SH3TC2: variants seen among roughly 807,000 people sequenced by gnomAD.
The protein encoded by SH3TC2 is SH3 domain and tetratricopeptide repeat-containing protein 2.
In SH3TC2, 87 loss-of-function variants were observed where a neutral mutation model predicts 124.5. The observed-to-expected ratio is 0.70, with a 90% CI of 0.59 to 0.84. The LOEUF is 0.84. SH3TC2 is among the 40% of genes least tolerant of loss of function. The pLI is 0.00. For missense variants in SH3TC2, 1,536 were observed against 1,566.4 expected (o/e 0.98, Z 0.33); for synonymous variants, 634 against 628.5 (o/e 1.01, Z -0.13).
chr5:149,039,725 G>C (rs1344831383), intron 7 of SH3TC2, among the ~76,000 whole-genome samples: 1 of 152,124 alleles, frequency 6.6e-6, no homozygotes, highest in Non-Finnish European at 1.5e-5. Flanking sequence ...AGGTGGATTG[G>C]CCAAGATCAC....
chr5:148,998,025 C>T lies in SH3TC2; in HGVS notation c.*6686G>A, dbSNP rs1244673914. On this transcript the variant is annotated 3_prime_UTR_variant, in exon 17 of 17. Coordinates refer to ENST00000515425, the MANE Select transcript of SH3TC2 (RefSeq NM_024577.4). Reference sequence around the variant, plus strand: ...GAGCCCTCCTGCACTTTTTTAGAGACCACCCTCCAGGTCAGCACTTTTCAA... The same window carrying T: ...GAGCCCTCCTGCACTTTTTTAGAGATCACCCTCCAGGTCAGCACTTTTCAA... 6.6e-6 allele frequency among the ~76,000 whole-genome samples: 1 copy of T among 152,154 alleles called. No homozygotes were observed. Among genetic ancestry groups the T allele is most frequent in the African/African-American group, 2.4e-5 (1 of 41,434 alleles).
At chr5:149,013,573 A>G (rs539891044) in intron 12 of SH3TC2, among the ~76,000 whole-genome samples, 103 of 152,230 alleles carry the variant, frequency 6.8e-4, no homozygotes, top group Non-Finnish European at 1.2e-3. Context: ...TAAATCATCG[A>G]AAAGATTTTG....
chr5:149,056,773 C>T (rs1304850799), intron 1 of SH3TC2, among the ~76,000 whole-genome samples: 1 of 152,164 alleles, frequency 6.6e-6, no homozygotes, highest in Non-Finnish European at 1.5e-5. Flanking sequence ...CATGGATTGA[C>T]CGTTTACAGC....
chr5:149,031,975 A>G (rs1754202265), intron 8 of SH3TC2, among the ~76,000 whole-genome samples: 1 of 152,122 alleles, frequency 6.6e-6, no homozygotes. Context: ...CAAGAAAAAC[A>G]AAGCCCCTTC....
chr5:149,025,284 A>G (rs1754044427), intron 12 of SH3TC2, among the ~76,000 whole-genome samples: 1 of 152,314 alleles, frequency 6.6e-6, no homozygotes, highest in East Asian at 1.9e-4. Context: ...CTTACAAGAC[A>G]GGGAAAGAAT....
Position 148,990,548 on chromosome 5 carries a change from G to A in SH3TC2, c.*14163C>T, listed in dbSNP as rs1194245450. Among the ~76,000 whole-genome samples, 1 of 152,172 alleles carries A rather than the reference G, an allele frequency of 6.6e-6. No homozygotes were observed. Among genetic ancestry groups the A allele is most frequent in the African/African-American group, 2.4e-5 (1 of 41,440 alleles). Reference sequence around the variant, plus strand: ...GGCCCTTGGACCAGATCAATTGAATGCAAATTCTGCCCCTGCTACTCACAA... The same window carrying A: ...GGCCCTTGGACCAGATCAATTGAATACAAATTCTGCCCCTGCTACTCACAA... On this transcript the variant is annotated 3_prime_UTR_variant, in exon 17 of 17. Coordinates refer to ENST00000515425, the MANE Select transcript of SH3TC2 (RefSeq NM_024577.4).
rs1754494633 is a variant in SH3TC2, at chr5:149,047,948, A to G, written c.193T>C (p.Cys65Arg). 1 of 1,613,796 alleles carries G rather than the reference A, an allele frequency of 6.2e-7. No individual in the cohort carries two copies. ...GCTTCCTGTAGGGGTCCATTTACAC[A>G]CCTCCTGGAGCGGCTCTTTACACAG... ...SFCVKSRSRR[C>R]VNGPLQEAAR... The change falls in exon 3 of 17, where the codon TGT (cysteine) becomes CGT (arginine). Residue 65 changes from cysteine (C) to arginine (R), a missense_variant. By Grantham distance (180) the Cys-to-Arg change is radical. This residue lies in a region of SH3TC2 where 1,102 missense variants were observed against 1,098.6 expected (regional missense o/e 1.00). Transcript: ENST00000515425.
At chr5:149,043,023 T>C (rs1754398808) in intron 4 of SH3TC2, among the ~76,000 whole-genome samples, 186 bp from the exon 5 acceptor site, 2 of 152,240 alleles carry the variant, frequency 1.3e-5, no homozygotes, top group East Asian at 1.9e-4. Flanking sequence ...TTGAGTCTTC[T>C]CAACATCTAT....
At position 149,061,494 on chromosome 5, in the gene SH3TC2, G is replaced by C. The variant is rs141532165; in HGVS notation, c.52+1477C>G. ...AATTTTATTGTGCTCAACTAACTGT[G>C]CACCAGACTGTTTCACCATTTCACA... On this transcript the variant is annotated intron_variant, in intron 1 of 16. Coordinates refer to ENST00000515425, the MANE Select transcript of SH3TC2 (RefSeq NM_024577.4). Among the ~76,000 whole-genome samples the C allele has an allele frequency of 2.2e-3, 328 of 152,308 alleles. 3 individuals are homozygous for C. The highest frequency in any genetic ancestry group is 7.8e-3 in the African/African-American group (325 of 41,574).
intron 4 of SH3TC2, chr5:149,043,752 G>A (rs1375332506): frequency 1.3e-5 from 2 of 151,944 alleles, no homozygotes; most frequent in Non-Finnish European, 2.9e-5. Flanking sequence ...GATGTGTAGT[G>A]TGGAGATCAG....
In SH3TC2 at chr5:149,003,748, G is replaced by A; in HGVS notation, c.*963C>T. On this transcript the variant is annotated 3_prime_UTR_variant, in exon 17 of 17. Transcript: ENST00000515425. ...TGCCTGTAGTTCCAGCTACTCAGGA[G>A]GTTGACACTGGAGGATCACTTGAGC... is the stretch of plus-strand genomic sequence containing the variant. 1 of 445,354 alleles carries A rather than the reference G, an allele frequency of 2.2e-6. No individual in the cohort carries two copies. Among genetic ancestry groups the A allele is most frequent in the South Asian group, 1.6e-5 (1 of 62,848 alleles). 27.6% of individuals were successfully genotyped at this position (445,354 alleles called of 1,614,324 possible).
At chr5:149,012,509 T>C (rs1333624647) in intron 13 of SH3TC2, 75 bp downstream of exon 13, 2 of 1,578,204 alleles carry the variant, frequency 1.3e-6, no homozygotes, top group Middle Eastern at 1.9e-4. Flanking sequence ...TTCCCCCTGG[T>C]TGATTTGGAG....
intron 13 of SH3TC2, 145 bp from the exon 14 acceptor site, chr5:149,010,537 G>T: frequency 9.1e-7 from 1 of 1,096,080 alleles, no homozygotes; most frequent in Non-Finnish European, 1.3e-6. Context: ...ACACTCCTAG[G>T]GCTGGTAAGA....
chr5:149,024,676 G>C (rs1164905881), intron 12 of SH3TC2, among the ~76,000 whole-genome samples: 1 of 152,168 alleles, frequency 6.6e-6, no homozygotes, highest in Non-Finnish European at 1.5e-5. Context: ...CCCTAATCCA[G>C]TTTTGATTGC....
Position 149,027,197 on chromosome 5 carries a change from T to G in SH3TC2, c.2535A>C (p.Ala845=), listed in dbSNP as rs1406112399. 2.6e-5 allele frequency: 42 copies of G among 1,614,018 alleles called. No individual in the cohort carries two copies. The highest frequency in any genetic ancestry group is 2.8e-5 in the Non-Finnish European group (33 of 1,180,028). ...RGVIYNLLGL[A]LQGEGRVNRA... ...TGTTCACCCGGCCTTCACCTTGGAGTGCAAGTCCCAGGAGGTTATAGATGA... is the reference window on the plus strand; with the variant it reads ...TGTTCACCCGGCCTTCACCTTGGAGGGCAAGTCCCAGGAGGTTATAGATGA... The change falls in exon 11 of 17, where the codon GCA becomes GCC. Residue 845 remains alanine (A), a synonymous_variant. Coordinates refer to ENST00000515425, the MANE Select transcript of SH3TC2 (RefSeq NM_024577.4).
chr5:148,989,397 A>T lies in SH3TC2; in HGVS notation c.*15314T>A. On this transcript the variant is annotated 3_prime_UTR_variant, in exon 17 of 17. Transcript: ENST00000515425. ...CACAGATACTAAGCACTTTGAGACA[A>T]GATTTGAACCTAGGTCTACCTTAAC... 6.6e-6 allele frequency among the ~76,000 whole-genome samples: 1 copy of T among 152,262 alleles called. No individual in the cohort carries two copies. Among genetic ancestry groups the T allele is most frequent in the East Asian group, 1.9e-4 (1 of 5,202 alleles).
rs957631093 is a variant in SH3TC2 at position 148,986,460 on chromosome 5, C to T, written c.*18251G>A. ...ACCCCACTCACTCCCTATTACATCT[C>T]CTTGTCTTACTTTTATCATAGCACT... On this transcript the variant is annotated 3_prime_UTR_variant, in exon 17 of 17. Transcript: ENST00000515425. Among the ~76,000 whole-genome samples, 3 of 152,174 alleles carry T rather than the reference C, an allele frequency of 2.0e-5. No homozygotes were observed. The highest frequency in any genetic ancestry group is 4.4e-5 in the Non-Finnish European group (3 of 68,016).
In SH3TC2 at chr5:148,985,075, C is replaced by G. The variant is rs910106198; in HGVS notation, c.*19636G>C. On this transcript the variant is annotated 3_prime_UTR_variant, in exon 17 of 17. Coordinates refer to ENST00000515425, the MANE Select transcript of SH3TC2 (RefSeq NM_024577.4). ...TTAACTGAGACTCTTCTTGATAGAA[C>G]TTTTATTGGTTCTGACTCCACTTGA... Among the ~76,000 whole-genome samples, 1 of 151,680 alleles carries G rather than the reference C, an allele frequency of 6.6e-6. No individual in the cohort carries two copies. Among genetic ancestry groups the G allele is most frequent in the Non-Finnish European group, 1.5e-5 (1 of 67,928 alleles).
rs1365041077 is a variant in SH3TC2, at chr5:149,006,952, T to C, written c.3604A>G (p.Ser1202Gly). 6.2e-7 allele frequency: 1 copy of C among 1,614,024 alleles called. No individual in the cohort carries two copies. The highest frequency in any genetic ancestry group is 8.5e-7 in the Non-Finnish European group (1 of 1,180,010). ...GCATAGTACAGGGCCTCCTTGGGAC[T>C]CTGCAGCCATGGTGGACAGAGGGAC... ...TLSLCPPWLQSPKEALYYAKV... is the reference protein window; with the variant it reads ...TLSLCPPWLQGPKEALYYAKV... Residue 1202 changes from serine (S) to glycine (G), a missense_variant, in exon 16 of 17, where the codon AGT (serine) becomes GGT (glycine). Transcript: ENST00000515425.
Sources: gnomAD v4.1 joint callset for allele counts (sites outside exome capture counted in the v4.1 genomes callset) on GRCh38, gnomAD v4.1.1 for gene constraint, gnomAD v4.1.1 regional missense constraint, MANE v1.5 for transcripts, NCBI Gene and HGNC (gene_info 2026-07-23, HGNC 2026-07-21) for gene names.